CLSTN2: variants seen among roughly 807,000 people sequenced by gnomAD.
The protein encoded by CLSTN2 is calsyntenin-2.
A neutral mutation model predicts 101.2 loss-of-function variants in CLSTN2; 48 were observed. The observed-to-expected ratio is 0.47, with a 90% CI of 0.38 to 0.60. The LOEUF (loss-of-function observed/expected upper bound fraction) is 0.60, where lower values mean the gene tolerates loss of function less well. Among genes scored for constraint, CLSTN2 ranks in the 20% least tolerant of loss-of-function variants. CLSTN2 has a pLI of 0.00. For missense variants in CLSTN2, 1,160 were observed against 1,238.2 expected (o/e 0.94, Z 0.95); for synonymous variants, 481 against 463.6 (o/e 1.04, Z -0.48).
chr3:140,544,205 G>A (rs1935541210), intron 9 of CLSTN2, among the ~76,000 whole-genome samples: 1 of 152,226 alleles, frequency 6.6e-6, no homozygotes, highest in Admixed American at 6.5e-5. Flanking sequence ...GAATAAATGA[G>A]CTGACTTATG....
At chr3:140,491,916 TC>T (rs1480458458) in intron 8 of CLSTN2, among the ~76,000 whole-genome samples, 2 of 152,174 alleles carry the variant, frequency 1.3e-5, no homozygotes, top group South Asian at 4.1e-4. Context: ...AACAAATACT[TC>T]CTTTGGGAGA....
chr3:140,088,084 G>C (rs1234721548), intron 1 of CLSTN2, among the ~76,000 whole-genome samples: 1 of 152,156 alleles, frequency 6.6e-6, no homozygotes, highest in Non-Finnish European at 1.5e-5. Flanking sequence ...GTTATGCCAT[G>C]ACATCTCTAA....
At chr3:140,049,032 A>C (rs1041604245) in intron 1 of CLSTN2, among the ~76,000 whole-genome samples, 4 of 152,156 alleles carry the variant, frequency 2.6e-5, no homozygotes, top group African/African-American at 4.8e-5. Flanking sequence ...CTCTTGGAGG[A>C]GGCCCATGCA....
chr3:140,332,250 G>A (rs571817764), intron 2 of CLSTN2, among the ~76,000 whole-genome samples: 16 of 152,280 alleles, frequency 1.1e-4, no homozygotes, highest in Non-Finnish European at 1.8e-4. Context: ...TCAAATATAC[G>A]AGGACAAGAA....
intron 8 of CLSTN2, among the ~76,000 whole-genome samples, chr3:140,527,664 A>G (rs1176526656): frequency 6.6e-6 from 1 of 152,202 alleles, no homozygotes; most frequent in African/African-American, 2.4e-5. Context: ...CATGGAACCA[A>G]CCTAGGTGCC....
chr3:140,249,780 G>T (rs2086546319), intron 2 of CLSTN2, among the ~76,000 whole-genome samples: 1 of 152,138 alleles, frequency 6.6e-6, no homozygotes, highest in Admixed American at 6.5e-5. Context: ...GGAAACTACT[G>T]AAACTCATGG....
intron 2 of CLSTN2, among the ~76,000 whole-genome samples, chr3:140,400,414 T>G (rs1008586594): frequency 6.6e-6 from 1 of 152,176 alleles, no homozygotes; most frequent in Non-Finnish European, 1.5e-5. Context: ...TATTAAGAAC[T>G]TCAAGGCTGA....
intron 2 of CLSTN2, among the ~76,000 whole-genome samples, chr3:140,252,437 G>A (rs1244281523): frequency 6.6e-6 from 1 of 152,164 alleles, no homozygotes; most frequent in African/African-American, 2.4e-5. Flanking sequence ...CAGAATCTCA[G>A]CCCTATCTAA....
chr3:140,445,101 A>C (rs1191569484), intron 5 of CLSTN2, among the ~76,000 whole-genome samples: 1 of 152,184 alleles, frequency 6.6e-6, no homozygotes, highest in Non-Finnish European at 1.5e-5. Context: ...AAGCCTCTTG[A>C]GGTCACCAAA....
At chr3:140,468,979 A>G (rs1229784565) in intron 8 of CLSTN2, among the ~76,000 whole-genome samples, 1 of 152,188 alleles carries the variant, frequency 6.6e-6, no homozygotes, top group Non-Finnish European at 1.5e-5. Context: ...AGGAAGTACA[A>G]GATCAAGGTG....
At chr3:140,273,538 G>A (rs2086763990) in intron 2 of CLSTN2, among the ~76,000 whole-genome samples, 2 of 152,156 alleles carry the variant, frequency 1.3e-5, no homozygotes, top group African/African-American at 2.4e-5. Flanking sequence ...CATATGAATA[G>A]GGATAATAAT....
chr3:140,544,676 G>T (rs1048850277), intron 9 of CLSTN2, among the ~76,000 whole-genome samples: 2 of 150,536 alleles, frequency 1.3e-5, no homozygotes, highest in Admixed American at 1.3e-4. Flanking sequence ...GTGGTGAAGG[G>T]TATGTTAAAA....
intron 2 of CLSTN2, among the ~76,000 whole-genome samples, chr3:140,182,730 C>G (rs1385467564): frequency 6.6e-6 from 1 of 152,192 alleles, no homozygotes; most frequent in Non-Finnish European, 1.5e-5. Context: ...GCTACTGCCT[C>G]TCACCTACAA....
At chr3:140,425,386 AG>A (rs1319087358) in intron 5 of CLSTN2, among the ~76,000 whole-genome samples, 1 of 152,228 alleles carries the variant, frequency 6.6e-6, no homozygotes, top group Non-Finnish European at 1.5e-5. Flanking sequence ...GGACCAGAAG[AG>A]GCTTTCTCTG....
chr3:140,107,422 G>T (rs1576429060), intron 1 of CLSTN2, among the ~76,000 whole-genome samples: 1 of 152,240 alleles, frequency 6.6e-6, no homozygotes, highest in South Asian at 2.1e-4. Context: ...TGACACCCAA[G>T]AACAACTCCA....
At chr3:140,344,951 C>T (rs1050723440) in intron 2 of CLSTN2, among the ~76,000 whole-genome samples, 1 of 152,162 alleles carries the variant, frequency 6.6e-6, no homozygotes, top group South Asian at 2.1e-4. Flanking sequence ...GGGGCTCTGG[C>T]ATTTCCAAGT....
At chr3:140,208,167 C>A (rs1323316865) in intron 2 of CLSTN2, among the ~76,000 whole-genome samples, 2 of 152,094 alleles carry the variant, frequency 1.3e-5, no homozygotes, top group African/African-American at 2.4e-5. Context: ...TAAGCAAAAA[C>A]AAAGGTTCTC....
chr3:140,524,270 T>TTGGAGATACTCTGACATGC (rs1291440974), intron 8 of CLSTN2, among the ~76,000 whole-genome samples: 3 of 152,154 alleles, frequency 2.0e-5, no homozygotes, highest in Non-Finnish European at 4.4e-5. Context: ...GTGGGGCAAT[T>TTGGAGATACTCTGACATGC]TGGAGATACT....
At chr3:140,212,992 G>A (rs2010876715) in intron 2 of CLSTN2, among the ~76,000 whole-genome samples, 1 of 152,224 alleles carries the variant, frequency 6.6e-6, no homozygotes, top group South Asian at 2.1e-4. Flanking sequence ...TGATTCCCAG[G>A]AGGAGCCTGA....
Sources: allele counts gnomAD v4.1 joint callset (sites outside exome capture counted in the v4.1 genomes callset), GRCh38; gene constraint gnomAD v4.1.1; transcripts MANE v1.5; gene names NCBI Gene and HGNC (gene_info 2026-07-23, HGNC 2026-07-21).